DLGAP1: variants seen among roughly 807,000 people sequenced by gnomAD.
DLGAP1 encodes disks large-associated protein 1.
DLGAP1 carries 11 observed loss-of-function variants against 90.8 expected under a neutral mutation model. That is an observed-to-expected ratio of 0.12 (90% CI 0.08 to 0.20). The LOEUF (loss-of-function observed/expected upper bound fraction) is 0.20. Among genes scored for constraint, DLGAP1 ranks in the 10% least tolerant of loss-of-function variants. The pLI is 1.00. For synonymous variants in DLGAP1, 558 were observed against 540.7 expected (o/e 1.03, Z -0.44); for missense variants, 1,050 against 1,333.8 (o/e 0.79, Z 3.31).
chr18:3,546,125 C>G (rs1001267190), intron 9 of DLGAP1, among the ~76,000 whole-genome samples: 2 of 152,024 alleles, frequency 1.3e-5, no homozygotes, highest in Non-Finnish European at 1.5e-5. Context: ...ATTTATAGAG[C>G]ACTCCACTGA....
At chr18:3,806,790 T>G (rs2066585986) in intron 5 of DLGAP1, among the ~76,000 whole-genome samples, 1 of 152,202 alleles carries the variant, frequency 6.6e-6, no homozygotes, top group African/African-American at 2.4e-5. Flanking sequence ...GCCAGAAACC[T>G]TAGCCAGGGC....
chr18:3,729,253 G>T lies in DLGAP1; in HGVS notation c.1473C>A (p.Ser491Arg). ...LPMPGCFRMR[S>R]HSYVRAIEKG... ...TCTCAATGGCCCGCACATAGCTGTG[G>T]CTCCGCATGCGGAAGCAGCCGGGCA... Residue 491 changes from serine (S) to arginine (R), a missense_variant, in exon 7 of 13, where the codon AGC becomes AGA. Coordinates refer to ENST00000315677, the MANE Select transcript of DLGAP1 (RefSeq NM_004746.4). The surrounding 1 kb of genome is among the most constrained non-coding windows in gnomAD (Gnocchi z 6.2). 6.2e-7 allele frequency: 1 copy of T among 1,614,000 alleles called. No individual in the cohort carries two copies. The highest frequency in any genetic ancestry group is 8.5e-7 in the Non-Finnish European group (1 of 1,179,956).
At chr18:3,815,294 T>TA (rs1598857976) in intron 4 of DLGAP1, among the ~76,000 whole-genome samples, 1 of 152,230 alleles carries the variant, frequency 6.6e-6, no homozygotes, top group East Asian at 1.9e-4. Flanking sequence ...GAATCTTTCT[T>TA]AATTTGGATT....
intron 1 of DLGAP1, among the ~76,000 whole-genome samples, chr18:4,306,446 TGTGTGTGTGTGTGTGTGA>T (rs1345356597): frequency 0.025 from 3,297 of 130,788 alleles, 134 homozygotes; most frequent in African/African-American, 0.1. Flanking sequence ...TGTGTGTGTG[TGTGTGTGTGTGTGTGTGA>T]GAGAGAGAGA....
At chr18:4,401,585 A>C (rs558921541) in intron 1 of DLGAP1, among the ~76,000 whole-genome samples, 3 of 152,188 alleles carry the variant, frequency 2.0e-5, no homozygotes, top group Non-Finnish European at 4.4e-5. Flanking sequence ...GATCTTCTTT[A>C]AAAAGCATAA....
chr18:4,362,402 T>C (rs1567861986), intron 1 of DLGAP1, among the ~76,000 whole-genome samples: 1 of 152,294 alleles, frequency 6.6e-6, no homozygotes, highest in Non-Finnish European at 1.5e-5. Context: ...TTATTCAGCC[T>C]TAAAAAGAAA....
intron 7 of DLGAP1, among the ~76,000 whole-genome samples, chr18:3,726,759 A>G (rs961547059): frequency 1.4e-4 from 22 of 152,214 alleles, no homozygotes; most frequent in African/African-American, 5.1e-4. Context: ...TTTATGCATC[A>G]CCAACCCCAG....
chr18:3,757,621 T>C (rs930019575), intron 5 of DLGAP1, among the ~76,000 whole-genome samples: 10 of 152,144 alleles, frequency 6.6e-5, no homozygotes, highest in Non-Finnish European at 1.2e-4. Flanking sequence ...ATACACCATA[T>C]TAAGGAAACA....
chr18:4,069,400 G>A (rs2075414419), intron 2 of DLGAP1, among the ~76,000 whole-genome samples: 1 of 152,140 alleles, frequency 6.6e-6, no homozygotes, highest in Admixed American at 6.6e-5. Context: ...CGGTTTGGAT[G>A]TGTCGTCACA....
At chr18:4,217,142 C>T (rs2077974731) in intron 1 of DLGAP1, among the ~76,000 whole-genome samples, 1 of 152,094 alleles carries the variant, frequency 6.6e-6, no homozygotes, top group African/African-American at 2.4e-5. Context: ...AGTATACAGC[C>T]TTTTCTGGCT....
intron 3 of DLGAP1, among the ~76,000 whole-genome samples, chr18:3,932,717 A>G (rs1389497236): frequency 1.3e-5 from 2 of 152,232 alleles, no homozygotes; most frequent in Non-Finnish European, 2.9e-5. Flanking sequence ...CCCAGCCCTA[A>G]ATACTCATTC....
At chr18:3,976,357 C>CA (rs61451583) in intron 3 of DLGAP1, among the ~76,000 whole-genome samples, 150,949 of 151,032 alleles carry the variant, frequency 1, 75,434 homozygotes, top group Middle Eastern at 1. Context: ...AACTCTGTCT[C>CA]AAAAAAAAGT....
intron 1 of DLGAP1, among the ~76,000 whole-genome samples, chr18:4,223,602 A>T (rs1387292038): frequency 6.6e-6 from 1 of 152,206 alleles, no homozygotes; most frequent in East Asian, 1.9e-4. Flanking sequence ...TATTTTAATA[A>T]ATCTCAAGAT....
chr18:3,971,621 A>G (rs1184057441), intron 3 of DLGAP1, among the ~76,000 whole-genome samples: 1 of 152,192 alleles, frequency 6.6e-6, no homozygotes, highest in African/African-American at 2.4e-5. Context: ...TTGTTCCAAG[A>G]CTTAACTTTT....
At chr18:4,249,681 C>T (rs764291169) in intron 1 of DLGAP1, among the ~76,000 whole-genome samples, 19 of 152,100 alleles carry the variant, frequency 1.2e-4, no homozygotes, top group Non-Finnish European at 2.2e-4. Context: ...TCTATCTCCA[C>T]GGTTCAAGCA....
At chr18:3,683,830 C>T (rs145386710) in intron 7 of DLGAP1, among the ~76,000 whole-genome samples, 6 of 152,190 alleles carry the variant, frequency 3.9e-5, no homozygotes, top group Admixed American at 1.3e-4. Flanking sequence ...TGTGGTATTG[C>T]GATCTCTTAC....
intron 1 of DLGAP1, among the ~76,000 whole-genome samples, chr18:4,366,702 C>T (rs1336794602): frequency 6.6e-6 from 1 of 151,164 alleles, no homozygotes; most frequent in Non-Finnish European, 1.5e-5. Context: ...TCCCAACGTC[C>T]ATGGAAAAAA....
chr18:3,845,916 C>A (rs556661561), intron 4 of DLGAP1, among the ~76,000 whole-genome samples: 10 of 152,292 alleles, frequency 6.6e-5, no homozygotes, highest in Admixed American at 5.9e-4. Flanking sequence ...AGTAATACTT[C>A]TCAACAATTC....
intron 2 of DLGAP1, among the ~76,000 whole-genome samples, chr18:4,128,183 T>C (rs1393892793): frequency 2.6e-5 from 4 of 152,062 alleles, no homozygotes; most frequent in African/African-American, 7.2e-5. Context: ...AGGAAAAAAA[T>C]TGCATCTGTA....
Sources: allele counts gnomAD v4.1 joint callset (sites outside exome capture counted in the v4.1 genomes callset), GRCh38; gene constraint gnomAD v4.1.1; non-coding constraint Gnocchi (gnomAD v3.1); transcripts MANE v1.5; gene names NCBI Gene and HGNC (gene_info 2026-07-23, HGNC 2026-07-21).